Variants in FGF14 observed in about 807,000 individuals in gnomAD.
FGF14 encodes the protein fibroblast growth factor 14, also known as fibroblast growth factor homologous factor 4.
A neutral mutation model predicts 25.5 loss-of-function variants in FGF14; 5 were observed. The observed-to-expected ratio is 0.20, with a 90% confidence interval of 0.10 to 0.41. The LOEUF is 0.41. FGF14 is among the 10% of genes least tolerant of loss of function. The pLI is 1.00. For synonymous variants in FGF14, 138 were observed against 118.3 expected, an observed-to-expected ratio of 1.17 and a Z score of -1.08; for missense variants, 222 against 320.1, an observed-to-expected ratio of 0.69 and a Z score of 2.34.
intron 1 of FGF14, among the ~76,000 whole-genome samples, chr13:102,063,959 G>C (rs1398679436): frequency 6.6e-6 from 1 of 152,032 alleles, no homozygotes; most frequent in Non-Finnish European, 1.5e-5. Flanking sequence ...TTCCATTTAA[G>C]TAAAATAAAA....
intron 1 of FGF14, among the ~76,000 whole-genome samples, chr13:102,160,165 T>C (rs1238702951): frequency 1.3e-5 from 2 of 152,172 alleles, no homozygotes; most frequent in Non-Finnish European, 2.9e-5. Context: ...GGTTCTTTCC[T>C]TGTTGTTCCT....
At chr13:102,019,079 T>A (rs2040497871) in intron 1 of FGF14, among the ~76,000 whole-genome samples, 1 of 152,174 alleles carries the variant, frequency 6.6e-6, no homozygotes, top group African/African-American at 2.4e-5. Flanking sequence ...TTGCAAGGCA[T>A]CATGACAATA....
At chr13:102,319,021 C>T (rs2056141840) in intron 1 of FGF14, among the ~76,000 whole-genome samples, 1 of 152,098 alleles carries the variant, frequency 6.6e-6, no homozygotes, top group South Asian at 2.1e-4. Context: ...AGGAGAGAAG[C>T]CGTTGCTGCG....
At chr13:101,933,112 A>T (rs576244320) in intron 1 of FGF14, among the ~76,000 whole-genome samples, 20 of 152,196 alleles carry the variant, frequency 1.3e-4, no homozygotes, top group Non-Finnish European at 2.2e-4. Context: ...AAAGTTAGTG[A>T]TATTTTATAT....
At chr13:102,237,437 C>T (rs1387825370) in intron 1 of FGF14, among the ~76,000 whole-genome samples, 1 of 152,200 alleles carries the variant, frequency 6.6e-6, no homozygotes, top group Non-Finnish European at 1.5e-5. Context: ...TGTCCCTCAT[C>T]CCTGCGAGGG....
chr13:102,310,697 G>GTT (rs796286929), intron 1 of FGF14, among the ~76,000 whole-genome samples: 12 of 11,718 alleles, frequency 1.0e-3, no homozygotes, highest in Non-Finnish European at 2.2e-3. Flanking sequence ...GTGTGTGTGT[G>GTT]GGGGGGGGGG....
At chr13:101,824,106 A>C (rs1235574909) in intron 3 of FGF14, among the ~76,000 whole-genome samples, 1 of 152,158 alleles carries the variant, frequency 6.6e-6, no homozygotes, top group Non-Finnish European at 1.5e-5. Flanking sequence ...CTTAAAATTA[A>C]ATTGTGAGGG....
At chr13:101,870,576 G>A (rs746864368) in intron 2 of FGF14, among the ~76,000 whole-genome samples, 40 of 152,082 alleles carry the variant, frequency 2.6e-4, no homozygotes, top group Middle Eastern at 3.2e-3. Context: ...GTGGTTATGG[G>A]AAACATAAAA....
intron 1 of FGF14, among the ~76,000 whole-genome samples, chr13:102,024,664 C>T (rs1214032963): frequency 6.6e-6 from 1 of 151,556 alleles, no homozygotes; most frequent in Non-Finnish European, 1.5e-5. Context: ...ATTTTTGTGT[C>T]TTTTCTAAGA....
intron 1 of FGF14, among the ~76,000 whole-genome samples, chr13:102,033,497 GCA>G (rs71753230): frequency 0.084 from 12,097 of 144,698 alleles, 968 homozygotes; most frequent in African/African-American, 0.24. Context: ...GCGTGTGCAC[GCA>G]CACACACACA....
At chr13:102,041,577 T>G (rs973044106) in intron 1 of FGF14, among the ~76,000 whole-genome samples, 2 of 111,154 alleles carry the variant, frequency 1.8e-5, no homozygotes, top group Non-Finnish European at 3.3e-5. Flanking sequence ...ACTTTGTGTT[T>G]CCATGTAAAA....
chr13:101,806,476 T>C (rs1179994988), intron 3 of FGF14, among the ~76,000 whole-genome samples: 5 of 147,920 alleles, frequency 3.4e-5, no homozygotes, highest in East Asian at 3.9e-4. Flanking sequence ...TTGAGAAAAT[T>C]TTTTTTTTTG....
intron 1 of FGF14, among the ~76,000 whole-genome samples, chr13:102,193,746 C>G (rs997755335): frequency 1.3e-5 from 2 of 152,118 alleles, no homozygotes; most frequent in Admixed American, 6.5e-5. Context: ...ACAACAATAA[C>G]AAACAGGAAC....
chr13:102,006,631 G>C (rs1273934926), intron 1 of FGF14, among the ~76,000 whole-genome samples: 1 of 146,032 alleles, frequency 6.8e-6, no homozygotes, highest in Non-Finnish European at 1.5e-5. Context: ...AATTTTGAAA[G>C]ACACAAGCCT....
At chr13:101,836,540 GAAGAAT>G (rs2042935853) in intron 3 of FGF14, among the ~76,000 whole-genome samples, 2 of 152,038 alleles carry the variant, frequency 1.3e-5, no homozygotes, top group South Asian at 4.1e-4. Flanking sequence ...TGGAGTAGAA[GAAGAAT>G]AATAAGGCTG....
intron 1 of FGF14, among the ~76,000 whole-genome samples, chr13:102,323,957 ATGTGTGTGTGTGTGTGTGTGTGTG>A (rs3066051): frequency 3.7e-5 from 5 of 136,422 alleles, no homozygotes; most frequent in African/African-American, 1.1e-4. Flanking sequence ...AACGTGCAGT[ATGTGTGTGTGTGTGTGTGTGTGTG>A]TGTGTGTGTG....
chr13:101,772,230 T>C (rs564288487), intron 3 of FGF14, among the ~76,000 whole-genome samples: 5 of 152,136 alleles, frequency 3.3e-5, no homozygotes, highest in African/African-American at 1.2e-4. Context: ...AGCTTTAAAG[T>C]TAAAAGCTGA....
chr13:102,240,688 A>T (rs2141026305), intron 1 of FGF14, among the ~76,000 whole-genome samples: 1 of 152,334 alleles, frequency 6.6e-6, no homozygotes, highest in East Asian at 1.9e-4. Flanking sequence ...CCATTTAAAA[A>T]TGACTAAAAG....
intron 1 of FGF14, among the ~76,000 whole-genome samples, chr13:102,301,850 A>ACACACACC: frequency 6.6e-6 from 1 of 151,560 alleles, no homozygotes; most frequent in Non-Finnish European, 1.5e-5. Context: ...ACACACACAC[A>ACACACACC]CACACACACA....
Sources: allele counts gnomAD v4.1 joint callset (sites outside exome capture counted in the v4.1 genomes callset), GRCh38; gene constraint gnomAD v4.1.1; transcripts MANE v1.5; gene names NCBI Gene and HGNC (gene_info 2026-07-23, HGNC 2026-07-21).